Variants in KLHL2 observed in about 807,000 individuals in gnomAD.
KLHL2 encodes the protein kelch-like protein 2.
In KLHL2, 15 loss-of-function variants were observed where a neutral mutation model predicts 75.8. That is an observed-to-expected ratio of 0.20 (90% CI 0.13 to 0.30). The LOEUF (loss-of-function observed/expected upper bound fraction) is 0.30. Among genes scored for constraint, KLHL2 ranks in the 10% least tolerant of loss-of-function variants. KLHL2 has a pLI of 1.00. For missense variants in KLHL2, 381 were observed against 741.0 expected (o/e 0.51, Z 5.64); for synonymous variants, 214 against 251.9 (o/e 0.85, Z 1.42).
intron 5 of KLHL2, among the ~76,000 whole-genome samples, chr4:165,285,912 C>T (rs552676515): frequency 2.0e-5 from 3 of 152,198 alleles, no homozygotes; most frequent in Admixed American, 1.3e-4. Context: ...GTCACTGAAA[C>T]GGTTTGAAAC....
In KLHL2 at chr4:165,255,148, A is replaced by G. The variant is rs537754576; in HGVS notation, c.382-8049A>G. Among the ~76,000 whole-genome samples the G allele has an allele frequency of 9.8e-5, 15 of 152,348 alleles. No homozygotes were observed. The East Asian group carries it at 2.5e-3, about 25-fold the overall frequency. On this transcript the variant is annotated intron_variant, in intron 4 of 14. Coordinates refer to ENST00000226725, the MANE Select transcript of KLHL2 (RefSeq NM_007246.4). ...TAGAAGTAGCAACTGGAAAAAGGAT[A>G]GTGTAGGAGAGATGGCTTTCAGTCT...
chr4:165,279,853 C>T lies in KLHL2; in HGVS notation c.545-14506C>T, dbSNP rs143342881. Among the ~76,000 whole-genome samples, 15 of 152,330 alleles carry T rather than the reference C, an allele frequency of 9.8e-5. No individual in the cohort carries two copies. The East Asian group carries it at 2.7e-3, about 27-fold the overall frequency. On this transcript the variant is annotated intron_variant, in intron 5 of 14. Coordinates refer to ENST00000226725, the MANE Select transcript of KLHL2 (RefSeq NM_007246.4). ...CCTCCAGGCATACATCTGTCTTTAA[C>T]ACTGAGATTATCTTTCCCTGCGTAT...
At chr4:165,233,025 C>T (rs1217004598) in intron 3 of KLHL2, among the ~76,000 whole-genome samples, 1 of 150,746 alleles carries the variant, frequency 6.6e-6, no homozygotes, top group South Asian at 2.1e-4. Context: ...CTTTTGTTTT[C>T]CTGTGACTAA....
chr4:165,239,392 A>G (rs754251215), intron 4 of KLHL2, among the ~76,000 whole-genome samples: 1 of 151,128 alleles, frequency 6.6e-6, no homozygotes, highest in African/African-American at 2.4e-5. Context: ...CCTCCCAGCT[A>G]CTTGGCTGGG....
chr4:165,232,888 T>C (rs1739022908), intron 3 of KLHL2, among the ~76,000 whole-genome samples: 1 of 143,436 alleles, frequency 7.0e-6, no homozygotes, highest in South Asian at 2.2e-4. Flanking sequence ...CTTTTTTTTT[T>C]TTTTTTTTTT....
intron 5 of KLHL2, among the ~76,000 whole-genome samples, chr4:165,279,943 A>G (rs1743531980): frequency 6.6e-6 from 1 of 152,112 alleles, no homozygotes; most frequent in Admixed American, 6.5e-5. Context: ...ACTCCTTCAT[A>G]GCTCCCTGTG....
chr4:165,291,956 A>G (rs377149911), intron 5 of KLHL2, among the ~76,000 whole-genome samples: 4 of 152,072 alleles, frequency 2.6e-5, no homozygotes, highest in Admixed American at 6.5e-5. Context: ...CAGCCTCTCA[A>G]CATGGTGGGA....
At chr4:165,209,981 G>A in intron 1 of KLHL2, 1 of 1,469,424 alleles carries the variant, frequency 6.8e-7, no homozygotes, top group Non-Finnish European at 9.0e-7. Flanking sequence ...TTTGAGACTT[G>A]CAGGCAGTGT....
In KLHL2 at chr4:165,214,893, G is replaced by GT. The variant is rs72078166; in HGVS notation, c.27-5029dup. On this transcript the variant is annotated intron_variant, in intron 1 of 14. Transcript: ENST00000226725. ...TCTGTGACTTGATGCAAGATCAGAA[G>GT]TTTTTTTTTTTTCTTGGAGAAGTAA... is the stretch of plus-strand genomic sequence containing the variant. Among the ~76,000 whole-genome samples the GT allele has an allele frequency of 5.1e-3, 750 of 147,984 alleles. 5 individuals carry two copies. The highest frequency in any genetic ancestry group is 0.023 in the South Asian group (107 of 4,704).
Position 165,305,703 on chromosome 4 carries a change from G to A in KLHL2, c.1017G>A (p.Leu339=), listed in dbSNP as rs139965570. 129 of 1,613,852 alleles carry A rather than the reference G, an allele frequency of 8.0e-5. 1 individual carries two copies. The African/African-American group carries it at 1.3e-3, about 16-fold the overall frequency. Residue 339 remains leucine (L), a synonymous_variant, in exon 9 of 15, where the codon TTG becomes TTA. Coordinates refer to ENST00000226725, the MANE Select transcript of KLHL2 (RefSeq NM_007246.4). ...AAAGGTGGCACCAAGTAGCAGAGTT[G>A]CCTTCCAGGAGGTGCAGGGCAGGTA... ...KEERWHQVAE[L]PSRRCRAGMV...
At chr4:165,214,456 G>A (rs1193399187) in intron 1 of KLHL2, among the ~76,000 whole-genome samples, 1 of 152,164 alleles carries the variant, frequency 6.6e-6, no homozygotes, top group Non-Finnish European at 1.5e-5. Flanking sequence ...AAAAGTGCCT[G>A]ATTGTGTTCT....
chr4:165,228,735 AT>A, intron 2 of KLHL2, 71 bp from the exon 3 acceptor site: 1 of 885,314 alleles, frequency 1.1e-6, no homozygotes, highest in Non-Finnish European at 1.8e-6. Context: ...TTACTGTAAT[AT>A]TTTTGCATAG....
chr4:165,272,389 T>C (rs1742765625), intron 5 of KLHL2, among the ~76,000 whole-genome samples: 2 of 152,124 alleles, frequency 1.3e-5, no homozygotes, highest in South Asian at 4.1e-4. Context: ...AAGTAGAAAA[T>C]ATTACTTCTA....
In KLHL2 at chr4:165,226,138, G is replaced by A. The variant is rs377291437; in HGVS notation, c.153-2669G>A. Among the ~76,000 whole-genome samples, 7 of 152,338 alleles carry A rather than the reference G, an allele frequency of 4.6e-5. No homozygotes were observed. The South Asian group carries it at 8.3e-4, about 18-fold the overall frequency. On this transcript the variant is annotated intron_variant, in intron 2 of 14. Coordinates refer to ENST00000226725, the MANE Select transcript of KLHL2 (RefSeq NM_007246.4). ...ACAAAAGGAAAATAGGCATAAAGAT[G>A]CACTTGACTCATGTTTGAGTTGTGT...
In KLHL2 at chr4:165,322,096, A is replaced by G. The variant is rs781499878; in HGVS notation, c.*36A>G. On this transcript the variant is annotated 3_prime_UTR_variant, in exon 15 of 15. Transcript: ENST00000226725. ...CATTTTCAGCATATTTATACATGAGAAACAGCCTTCAACAAGTATTTGTGA... is the reference window on the plus strand; with the variant it reads ...CATTTTCAGCATATTTATACATGAGGAACAGCCTTCAACAAGTATTTGTGA... The G allele has an allele frequency of 6.3e-6, 10 of 1,587,560 alleles. No individual in the cohort carries two copies. The Admixed American group carries it at 6.7e-5, about 11-fold the overall frequency.
intron 13 of KLHL2, among the ~76,000 whole-genome samples, chr4:165,316,666 C>T (rs567865880): frequency 6.6e-6 from 1 of 152,178 alleles, no homozygotes; most frequent in South Asian, 2.1e-4. Context: ...AGAAAAATTG[C>T]TCAAGTATTC....
Position 165,305,717 on chromosome 4 carries a change from G to A in KLHL2, c.1031G>A (p.Cys344Tyr). The change falls in exon 9 of 15, where the codon TGC (cysteine) becomes TAC (tyrosine). Residue 344 changes from cysteine (C) to tyrosine (Y), a missense_variant. This residue lies in a region of KLHL2 where 168 missense variants were observed against 370.4 expected (regional missense o/e 0.45). Transcript: ENST00000226725. ...HQVAELPSRRCRAGMVYMAGL... is the reference protein window; with the variant it reads ...HQVAELPSRRYRAGMVYMAGL... Reference sequence around the variant, plus strand: ...GTAGCAGAGTTGCCTTCCAGGAGGTGCAGGGCAGGTAAGCATGATGCATCA... The same window carrying A: ...GTAGCAGAGTTGCCTTCCAGGAGGTACAGGGCAGGTAAGCATGATGCATCA... 6.2e-7 allele frequency: 1 copy of A among 1,610,400 alleles called. No individual in the cohort carries two copies. The highest frequency in any genetic ancestry group is 8.5e-7 in the Non-Finnish European group (1 of 1,176,606).
intron 13 of KLHL2, 62 bp downstream of exon 13, chr4:165,314,228 C>A: frequency 7.1e-7 from 1 of 1,405,782 alleles, no homozygotes; most frequent in Non-Finnish European, 1.0e-6. Context: ...TCACTGGTAT[C>A]ACTCTATCAA....
rs190531229 is a variant in KLHL2 at position 165,302,251 on chromosome 4, A to G, written c.921+2595A>G. 4.6e-5 allele frequency among the ~76,000 whole-genome samples: 7 copies of G among 152,326 alleles called. No homozygotes were observed. The East Asian group carries it at 1.3e-3, about 29-fold the overall frequency. On this transcript the variant is annotated intron_variant, in intron 8 of 14. Coordinates refer to ENST00000226725, the MANE Select transcript of KLHL2 (RefSeq NM_007246.4). ...ACATATTTTCGAAAAGGTGCTGGTGATGAACAATTTTCCAACACCACCATT... is the reference window on the plus strand; with the variant it reads ...ACATATTTTCGAAAAGGTGCTGGTGGTGAACAATTTTCCAACACCACCATT...
Sources: gnomAD v4.1 joint callset for allele counts (sites outside exome capture counted in the v4.1 genomes callset) on GRCh38, gnomAD v4.1.1 for gene constraint, gnomAD v4.1.1 regional missense constraint, MANE v1.5 for transcripts, NCBI Gene and HGNC (gene_info 2026-07-23, HGNC 2026-07-21) for gene names.